PDLIM5: variants seen among roughly 807,000 people sequenced by gnomAD.
PDLIM5 encodes PDZ and LIM domain 5.
A neutral mutation model predicts 64.2 loss-of-function variants in PDLIM5; 34 were observed. The ratio of observed to expected loss-of-function variants is 0.53; its 90% confidence interval spans 0.40 to 0.71. PDLIM5 has a LOEUF of 0.71. Among genes scored for constraint, PDLIM5 ranks in the 30% least tolerant of loss-of-function variants. The pLI is 0.00. For synonymous variants in PDLIM5, 253 were observed against 269.1 expected (o/e 0.94, Z 0.59); for missense variants, 683 against 733.6 (o/e 0.93, Z 0.80).
intron 5 of PDLIM5, chr4:94,582,732 G>C: frequency 1.3e-6 from 2 of 1,571,772 alleles, no homozygotes; most frequent in African/African-American, 1.3e-5. Flanking sequence ...CTGGCACTGT[G>C]TAAGTACTTA....
At chr4:94,583,137 T>C (rs1735873972) in intron 5 of PDLIM5, 1 of 153,564 alleles carries the variant, frequency 6.5e-6, no homozygotes, top group African/African-American at 2.4e-5. Context: ...ATAAAATTAT[T>C]GAAATTTTTC....
In PDLIM5 at chr4:94,652,440, C is replaced by A. The variant is rs547646534; in HGVS notation, c.1284-2020C>A. Among the ~76,000 whole-genome samples the A allele has an allele frequency of 2.0e-5, 3 of 152,260 alleles. No individual in the cohort carries two copies. The East Asian group carries it at 5.8e-4, about 29-fold the overall frequency. Reference sequence around the variant, plus strand: ...CGTGTATAACCAGTTGCCCACCTGGCGGAAAAACACAGGGCACTCATCAAA... The same window carrying A: ...CGTGTATAACCAGTTGCCCACCTGGAGGAAAAACACAGGGCACTCATCAAA... On this transcript the variant is annotated intron_variant, in intron 9 of 12. Transcript: ENST00000317968.
intron 7 of PDLIM5, among the ~76,000 whole-genome samples, chr4:94,603,189 T>C (rs1383298554): frequency 6.6e-6 from 1 of 152,166 alleles, no homozygotes; most frequent in African/African-American, 2.4e-5. Context: ...CTTTGGGTAT[T>C]ATCCTAACTG....
intron 3 of PDLIM5, among the ~76,000 whole-genome samples, chr4:94,557,259 G>T (rs1391457045): frequency 6.6e-6 from 1 of 152,022 alleles, no homozygotes; most frequent in Non-Finnish European, 1.5e-5. Context: ...TGTTCCATTG[G>T]TCTATATCTC....
intron 3 of PDLIM5, among the ~76,000 whole-genome samples, chr4:94,568,023 A>G (rs1279590064): frequency 1.3e-5 from 2 of 152,238 alleles, no homozygotes; most frequent in African/African-American, 2.4e-5. Flanking sequence ...TTCATTTCTT[A>G]TATCAGTATC....
chr4:94,515,185 T>C (rs1290812781), intron 2 of PDLIM5, among the ~76,000 whole-genome samples: 1 of 151,934 alleles, frequency 6.6e-6, no homozygotes, highest in Non-Finnish European at 1.5e-5. Context: ...TTATGGAGAG[T>C]TGGGTACACA....
intron 2 of PDLIM5, among the ~76,000 whole-genome samples, chr4:94,464,671 T>G (rs1254881545): frequency 6.6e-6 from 1 of 152,182 alleles, no homozygotes; most frequent in Non-Finnish European, 1.5e-5. Context: ...ATTTCCATGA[T>G]TTTGGTCATT....
At chr4:94,577,528 T>TTC (rs1412766205) in intron 5 of PDLIM5, 1 of 318,964 alleles carries the variant, frequency 3.1e-6, no homozygotes, top group Non-Finnish European at 6.1e-6. Flanking sequence ...TATTGTTTCT[T>TTC]TCATGTGAGG....
Position 94,559,245 on chromosome 4 carries a change from A to G in PDLIM5, c.249-14106A>G, listed in dbSNP as rs566501008. On this transcript the variant is annotated intron_variant, in intron 3 of 12. Coordinates refer to ENST00000317968, the MANE Select transcript of PDLIM5 (RefSeq NM_006457.5). ...ATAGGCTACAGCAAGTATCTAGGTT[A>G]TAACAGATGTTTTTGGTGGCTCTGA... 1.2e-4 allele frequency among the ~76,000 whole-genome samples: 18 copies of G among 152,360 alleles called. No homozygotes were observed. In the South Asian group the frequency reaches 3.5e-3, roughly 30 times the overall value.
chr4:94,462,575 G>A (rs1212665890), intron 2 of PDLIM5, among the ~76,000 whole-genome samples: 1 of 151,908 alleles, frequency 6.6e-6, no homozygotes, highest in Non-Finnish European at 1.5e-5. Context: ...TATATGTGTA[G>A]ACATTTAAAT....
Position 94,666,390 on chromosome 4 carries a change from A to G in PDLIM5, c.*2323A>G, listed in dbSNP as rs915443520. ...CTCACCCTGCATCTTGGAGGGAGGC[A>G]GGAAATTTCTTTTGAAATAAAGTGC... On this transcript the variant is annotated 3_prime_UTR_variant, in exon 13 of 13. Transcript: ENST00000317968. 1.1e-4 allele frequency: 23 copies of G among 207,786 alleles called. No individual in the cohort carries two copies. Among genetic ancestry groups the G allele is most frequent in the African/African-American group, 4.8e-4 (21 of 43,688 alleles). The allele number at this position is 207,786 out of a possible 1,614,324, so 12.9% of individuals were successfully genotyped here. A position where few individuals can be genotyped will look rare whatever the true frequency, so the allele number is the denominator to read the frequency against.
chr4:94,566,204 A>C (rs1734302454), intron 3 of PDLIM5, among the ~76,000 whole-genome samples: 1 of 152,098 alleles, frequency 6.6e-6, no homozygotes, highest in Admixed American at 6.6e-5. Flanking sequence ...TTTCAAATTT[A>C]AGTTTTGGTC....
chr4:94,637,553 C>T lies in PDLIM5; in HGVS notation c.1109-2723C>T, dbSNP rs78759550. Among the ~76,000 whole-genome samples the T allele has an allele frequency of 5.3e-5, 8 of 151,518 alleles. No homozygotes were observed. In the East Asian group the frequency reaches 9.7e-4, roughly 18 times the overall value. On this transcript the variant is annotated intron_variant, in intron 8 of 12. Coordinates refer to ENST00000317968, the MANE Select transcript of PDLIM5 (RefSeq NM_006457.5). ...CAGCCTGGGCGACAGGGCGAGACTCCGTCTCAAAAAAAAAGGAATGGTGCT... is the reference window on the plus strand; with the variant it reads ...CAGCCTGGGCGACAGGGCGAGACTCTGTCTCAAAAAAAAAGGAATGGTGCT...
intron 7 of PDLIM5, among the ~76,000 whole-genome samples, chr4:94,596,674 G>A (rs1021223267): frequency 6.6e-6 from 1 of 151,792 alleles, no homozygotes; most frequent in Non-Finnish European, 1.5e-5. Flanking sequence ...ACACATTGCA[G>A]GTTTCAGAAG....
In PDLIM5 at chr4:94,523,854, C is replaced by T. The variant is rs1055420353; in HGVS notation, c.227C>T (p.Ser76Phe). Reference protein sequence around the residue: ...AQNKIKGCTGSLNMTLQRASA... With the variant: ...AQNKIKGCTGFLNMTLQRASA... ...AATAAGATTAAGGGTTGTACAGGCT[C>T]TTTGAATATGACTCTGCAAAGGTAA... The change falls in exon 3 of 13, where the codon TCT becomes TTT. Residue 76 changes from serine to phenylalanine, a missense_variant. Physicochemically the swap from Ser to Phe is radical, Grantham distance 155. Coordinates refer to ENST00000317968, the MANE Select transcript of PDLIM5 (RefSeq NM_006457.5). The T allele has an allele frequency of 3.7e-6, 6 of 1,612,956 alleles. No individual in the cohort carries two copies. In the South Asian group the frequency reaches 6.6e-5, roughly 18 times the overall value.
At chr4:94,550,007 G>A (rs1023756703) in intron 3 of PDLIM5, 1 of 152,064 alleles carries the variant, frequency 6.6e-6, no homozygotes, top group African/African-American at 2.4e-5. Flanking sequence ...AGAATAGAAA[G>A]CTTCATTTTA....
At chr4:94,477,139 G>C (rs1478803846) in intron 2 of PDLIM5, among the ~76,000 whole-genome samples, 1 of 152,182 alleles carries the variant, frequency 6.6e-6, no homozygotes, top group Non-Finnish European at 1.5e-5. Flanking sequence ...GGTGAGGGAA[G>C]AGTGGTAGAA....
Position 94,664,938 on chromosome 4 carries a change from A to G in PDLIM5, c.*871A>G. 1.0e-6 allele frequency: 1 copy of G among 982,212 alleles called. No homozygotes were observed. The highest frequency in any genetic ancestry group is 1.2e-6 in the Non-Finnish European group (1 of 827,024). The allele number at this position is 982,212 out of a possible 1,614,324, so 60.8% of individuals were successfully genotyped here. ...ATCATTCTAGTAGGAAAGGACAATAAGATTTTTTATCAAAATGTGTCATGC... is the reference window on the plus strand; with the variant it reads ...ATCATTCTAGTAGGAAAGGACAATAGGATTTTTTATCAAAATGTGTCATGC... On this transcript the variant is annotated 3_prime_UTR_variant, in exon 13 of 13. Coordinates refer to ENST00000317968, the MANE Select transcript of PDLIM5 (RefSeq NM_006457.5).
At chr4:94,459,980 A>G (rs916562301) in intron 2 of PDLIM5, among the ~76,000 whole-genome samples, 6 of 152,232 alleles carry the variant, frequency 3.9e-5, no homozygotes, top group African/African-American at 1.4e-4. Flanking sequence ...TCAGTCCTCA[A>G]GCTGAAATGA....
Sources: allele counts gnomAD v4.1 joint callset (sites outside exome capture counted in the v4.1 genomes callset), GRCh38; gene constraint gnomAD v4.1.1; transcripts MANE v1.5; gene names NCBI Gene and HGNC (gene_info 2026-07-23, HGNC 2026-07-21).